LOXL4: variants seen among roughly 807,000 people sequenced by gnomAD.
LOXL4 encodes the protein lysyl oxidase homolog 4.
Under a neutral mutation model 89.1 loss-of-function variants are expected in LOXL4, and 72 were observed. That is an observed-to-expected ratio of 0.81 (90% CI 0.67 to 0.98). The LOEUF is 0.98. Ranked by LOEUF, LOXL4 falls within the 50% of genes least tolerant of loss-of-function variation. The pLI, the probability that LOXL4 is intolerant of heterozygous loss-of-function variation, is 0.00. For missense variants in LOXL4, 984 were observed against 1,017.5 expected (o/e 0.97, Z 0.45); for synonymous variants, 355 against 392.1 (o/e 0.91, Z 1.12).
chr10:98,253,803 C>A lies in LOXL4; in HGVS notation c.1592-7G>T, dbSNP rs747703209. Reference sequence around the variant, plus strand: ...ATCACCAGGTCTGGTGCACCTGGGGCGGCGGAGGGCATGGCAGTGACTCAA... The same window carrying A: ...ATCACCAGGTCTGGTGCACCTGGGGAGGCGGAGGGCATGGCAGTGACTCAA... On this transcript the variant is annotated splice_region_variant and splice_polypyrimidine_tract_variant and intron_variant, in intron 10 of 14. Transcript: ENST00000260702. The A allele has an allele frequency of 6.2e-7, 1 of 1,613,618 alleles. No individual in the cohort carries two copies. The highest frequency in any genetic ancestry group is 2.2e-5 in the East Asian group (1 of 44,880).
At chr10:98,253,031 C>A (rs1331859222) in intron 11 of LOXL4, among the ~76,000 whole-genome samples, 1 of 152,266 alleles carries the variant, frequency 6.6e-6, no homozygotes, top group Non-Finnish European at 1.5e-5. Flanking sequence ...GGCATTGTCT[C>A]TCCCTCTCTC....
chr10:98,261,218 G>T, intron 3 of LOXL4, 91 bp from the exon 4 acceptor site: 1 of 1,398,588 alleles, frequency 7.2e-7, no homozygotes, highest in Non-Finnish European at 9.8e-7. Flanking sequence ...GCTGGGGCTT[G>T]GAGCTTTTCG....
chr10:98,249,565 A>G (rs531022700), intron 14 of LOXL4, among the ~76,000 whole-genome samples: 2 of 152,316 alleles, frequency 1.3e-5, no homozygotes, highest in African/African-American at 2.4e-5. Flanking sequence ...TGATGTCTCA[A>G]CACTCCTTGT....
Position 98,248,851 on chromosome 10 carries a change from G to T in LOXL4, c.*70C>A. 7.1e-7 allele frequency: 1 copy of T among 1,410,844 alleles called. No individual in the cohort carries two copies. Among genetic ancestry groups the T allele is most frequent in the Non-Finnish European group, 9.9e-7 (1 of 1,008,730 alleles). 87.4% of individuals were successfully genotyped at this position (1,410,844 alleles called of 1,614,324 possible). ...CTTTTCCTCTGAGTTGGGACTCTGT[G>T]AAGGGCATGGCTCCAATAAGCTGAG... On this transcript the variant is annotated 3_prime_UTR_variant, in exon 15 of 15. Transcript: ENST00000260702.
Position 98,257,787 on chromosome 10 carries a change from G to A in LOXL4, c.1123C>T (p.Leu375=). Residue 375 remains leucine (L), a synonymous_variant, in exon 8 of 15, where the codon CTG becomes TTG. Transcript: ENST00000260702. ...TATCCCCTGCAGCGCACCTCACTCA[G>A]GTGGATGGGCCCTAGCCCTAGATGG... ...RLGQGLGPIH[L]SEVRCRGYER... The A allele has an allele frequency of 6.2e-7, 1 of 1,613,466 alleles. No individual in the cohort carries two copies. Among genetic ancestry groups the A allele is most frequent in the Non-Finnish European group, 8.5e-7 (1 of 1,179,628 alleles).
chr10:98,256,976 G>T, intron 8 of LOXL4, 29 bp from the exon 9 acceptor site: 1 of 1,607,060 alleles, frequency 6.2e-7, no homozygotes, highest in African/African-American at 1.3e-5. Context: ...TGTGAGGAGT[G>T]GGGTAGCCTT....
At position 98,255,701 on chromosome 10, in the gene LOXL4, C is replaced by T; in HGVS notation, c.1467G>A (p.Glu489=). 1.2e-6 allele frequency: 2 copies of T among 1,612,990 alleles called. No individual in the cohort carries two copies. Among genetic ancestry groups the T allele is most frequent in the Non-Finnish European group, 1.7e-6 (2 of 1,179,026 alleles). ...WFWSGTPRAQ[E]VVMSGVRCSG... ...AGCAGCGCACCCCACTCATCACCAC[C>T]TCCTGGGCCCTTGGCGTCCCCGACC... Residue 489 remains glutamate, a synonymous_variant, in exon 10 of 15, where the codon GAG becomes GAA. Transcript: ENST00000260702.
chr10:98,257,033 G>A, intron 8 of LOXL4, 86 bp from the exon 9 acceptor site: 1 of 1,471,580 alleles, frequency 6.8e-7, no homozygotes, highest in Non-Finnish European at 9.2e-7. Context: ...GCCCAAGCCA[G>A]CTCACTGTGT....
intron 1 of LOXL4, among the ~76,000 whole-genome samples, chr10:98,266,394 C>A (rs1439652721): frequency 6.6e-6 from 1 of 152,176 alleles, no homozygotes; most frequent in Admixed American, 6.5e-5. Context: ...TGATGGGGCC[C>A]AGGGTAGGCT....
chr10:98,264,546 C>T (rs998878934), intron 1 of LOXL4, among the ~76,000 whole-genome samples: 38 of 151,810 alleles, frequency 2.5e-4, no homozygotes, highest in Admixed American at 2.2e-3. Context: ...GGGTTTCAGG[C>T]GGTAAACAGA....
At chr10:98,251,259 G>T in intron 13 of LOXL4, 83 bp from the exon 14 acceptor site, 1 of 1,054,900 alleles carries the variant, frequency 9.5e-7, no homozygotes, top group South Asian at 1.3e-5. Flanking sequence ...CCTTACATGT[G>T]TTTCTATTTG....
intron 1 of LOXL4, among the ~76,000 whole-genome samples, chr10:98,263,923 G>C (rs894343382): frequency 1.3e-5 from 2 of 151,762 alleles, no homozygotes; most frequent in Non-Finnish European, 2.9e-5. Flanking sequence ...AGTAGAGACG[G>C]GGTTTCACCA....
At chr10:98,261,248 G>T (rs1003491490) in intron 3 of LOXL4, 121 bp from the exon 4 acceptor site, 3 of 1,045,896 alleles carry the variant, frequency 2.9e-6, no homozygotes, top group Non-Finnish European at 4.2e-6. Flanking sequence ...CACCCAGCCC[G>T]GTCATTGAAC....
chr10:98,258,960 C>A, intron 6 of LOXL4, 49 bp downstream of exon 6: 1 of 1,435,114 alleles, frequency 7.0e-7, no homozygotes, highest in Non-Finnish European at 9.4e-7. Flanking sequence ...GGCAGTGTCC[C>A]GCCCGTGCCT....
chr10:98,250,026 C>T (rs1858143540), intron 14 of LOXL4, among the ~76,000 whole-genome samples: 1 of 152,128 alleles, frequency 6.6e-6, no homozygotes, highest in African/African-American at 2.4e-5. Context: ...ACTATCACAA[C>T]CCTCCCTGCA....
At chr10:98,256,209 T>A (rs1421821816) in intron 9 of LOXL4, 4 of 177,636 alleles carry the variant, frequency 2.3e-5, no homozygotes. Flanking sequence ...TTTGATGTAT[T>A]TTAGATCTAT....
At chr10:98,257,885 T>G in intron 7 of LOXL4, 81 bp from the exon 8 acceptor site, 1 of 1,575,000 alleles carries the variant, frequency 6.3e-7, no homozygotes, top group Admixed American at 1.7e-5. Flanking sequence ...CAGAGGGGGA[T>G]AACTTTCTGT....
At chr10:98,264,182 G>A (rs1858625910) in intron 1 of LOXL4, among the ~76,000 whole-genome samples, 1 of 151,310 alleles carries the variant, frequency 6.6e-6, no homozygotes, top group African/African-American at 2.4e-5. Context: ...TTCAGGCCAG[G>A]TGCTGGGACA....
intron 8 of LOXL4, 61 bp from the exon 9 acceptor site, chr10:98,257,008 C>T (rs1858395554): frequency 5.8e-6 from 9 of 1,556,906 alleles, no homozygotes; most frequent in Middle Eastern, 3.5e-4. Context: ...CTCAGGGCTG[C>T]GAGCCTGGAG....
Sources: allele counts gnomAD v4.1 joint callset (sites outside exome capture counted in the v4.1 genomes callset), GRCh38; gene constraint gnomAD v4.1.1; transcripts MANE v1.5; gene names NCBI Gene and HGNC (gene_info 2026-07-23, HGNC 2026-07-21).